PRKD1: variants seen among roughly 807,000 people sequenced by gnomAD.
PRKD1 encodes the protein serine/threonine-protein kinase D1.
Under a neutral mutation model 95.9 loss-of-function variants are expected in PRKD1, and 63 were observed. The ratio of observed to expected loss-of-function variants is 0.66; its 90% CI spans 0.54 to 0.81. The LOEUF is 0.81. Among genes scored for constraint, PRKD1 ranks in the 30% least tolerant of loss-of-function variants. The probability of loss-of-function intolerance (pLI) is 0.00; values close to 1 mark genes in which losing one functional copy is unlikely to be tolerated. For synonymous variants in PRKD1, 425 were observed against 423.1 expected, an observed-to-expected ratio of 1.00 and a Z score of -0.05; for missense variants, 1,048 against 1,165.3, an observed-to-expected ratio of 0.90 and a Z score of 1.47.
Position 29,582,284 on chromosome 14 carries a change from T to G in PRKD1, c.2435-3924A>C, listed in dbSNP as rs1892779177. Among the ~76,000 whole-genome samples the G allele has an allele frequency of 2.0e-5, 3 of 152,230 alleles. No individual in the cohort carries two copies. In the South Asian group the frequency reaches 6.2e-4, roughly 32 times the overall value. On this transcript the variant is annotated intron_variant, in intron 16 of 17. Coordinates refer to ENST00000331968, the MANE Select transcript of PRKD1 (RefSeq NM_002742.3). ...TCAAGGATAAATACTGAGCTTCTTGTTGAATAATTTGAGAATCCATTCTTT... is the reference window on the plus strand; with the variant it reads ...TCAAGGATAAATACTGAGCTTCTTGGTGAATAATTTGAGAATCCATTCTTT...
At chr14:29,622,281 A>G (rs1390049639) in intron 13 of PRKD1, among the ~76,000 whole-genome samples, 1 of 152,180 alleles carries the variant, frequency 6.6e-6, no homozygotes, top group East Asian at 1.9e-4. Context: ...GGCCACGTAC[A>G]GGTACAGGTC....
intron 16 of PRKD1, among the ~76,000 whole-genome samples, chr14:29,586,621 G>A (rs769905230): frequency 8.6e-5 from 13 of 152,044 alleles, no homozygotes; most frequent in Admixed American, 3.9e-4. Context: ...GGAAGTAGTC[G>A]TTTCACTTTA....
At chr14:29,780,487 C>A (rs954461845) in intron 1 of PRKD1, among the ~76,000 whole-genome samples, 2 of 152,124 alleles carry the variant, frequency 1.3e-5, no homozygotes, top group African/African-American at 4.8e-5. Flanking sequence ...AGGATATGAA[C>A]AGACACTTCT....
intron 1 of PRKD1, among the ~76,000 whole-genome samples, chr14:29,912,774 A>C (rs1050056473): frequency 2.6e-5 from 4 of 152,242 alleles, no homozygotes; most frequent in African/African-American, 9.6e-5. Context: ...AATAAAGTAC[A>C]ACTTGAAACT....
intron 1 of PRKD1, among the ~76,000 whole-genome samples, chr14:29,912,101 A>G (rs74981554): frequency 0.024 from 3,599 of 152,262 alleles, 150 homozygotes; most frequent in African/African-American, 0.082. Flanking sequence ...CCTAGTTAGG[A>G]GAACTGTCCA....
At chr14:29,850,886 A>C (rs1054145016) in intron 1 of PRKD1, among the ~76,000 whole-genome samples, 13 of 144,514 alleles carry the variant, frequency 9.0e-5, no homozygotes, top group Non-Finnish European at 1.6e-4. Flanking sequence ...AAAAACAGAC[A>C]AAAAAAAATT....
chr14:29,819,551 G>A (rs554252493), intron 1 of PRKD1, among the ~76,000 whole-genome samples: 156 of 152,178 alleles, frequency 1.0e-3, no homozygotes, highest in Middle Eastern at 0.01. Context: ...TTACCCGGGC[G>A]TGGTGGCGGG....
At chr14:29,861,795 G>T (rs1427624371) in intron 1 of PRKD1, among the ~76,000 whole-genome samples, 1 of 152,120 alleles carries the variant, frequency 6.6e-6, no homozygotes, top group African/African-American at 2.4e-5. Flanking sequence ...TGGGACTACA[G>T]GTGTGTGCCA....
chr14:29,727,942 T>C (rs1419731099), intron 1 of PRKD1, among the ~76,000 whole-genome samples: 2 of 150,266 alleles, frequency 1.3e-5, no homozygotes, highest in African/African-American at 4.9e-5. Context: ...TTCTCACTCA[T>C]AGGTGGGAAT....
At chr14:29,874,047 C>A (rs910782696) in intron 1 of PRKD1, among the ~76,000 whole-genome samples, 1 of 152,124 alleles carries the variant, frequency 6.6e-6, no homozygotes, top group Non-Finnish European at 1.5e-5. Context: ...ACAAATATGA[C>A]TGGCTACTCT....
intron 16 of PRKD1, among the ~76,000 whole-genome samples, chr14:29,588,790 T>TTGTGTGTGTGTGTG (rs34773417): frequency 1.4e-5 from 2 of 145,430 alleles, no homozygotes; most frequent in Admixed American, 6.9e-5. Flanking sequence ...ATTCCTAAAG[T>TTGTGTGTGTGTGTG]TGTGTGTGTG....
In PRKD1 at chr14:29,927,538, A is replaced by G; in HGVS notation, c.-26T>C. On this transcript the variant is annotated 5_prime_UTR_variant, in exon 1 of 18. Coordinates refer to ENST00000331968, the MANE Select transcript of PRKD1 (RefSeq NM_002742.3). The stretch of plus-strand genomic sequence containing the variant: ...CGCTCGGCGGGGCGCAGGGCCGGGC[A>G]GCGGAGGGCGGGGGCTGGCGGCGCG... 8.7e-7 allele frequency: 1 copy of G among 1,151,408 alleles called. No individual in the cohort carries two copies. The highest frequency in any genetic ancestry group is 1.1e-6 in the Non-Finnish European group (1 of 937,072). 71.3% of individuals were successfully genotyped at this position (1,151,408 alleles called of 1,614,324 possible). A position where few individuals can be genotyped will look rare whatever the true frequency, so the allele number is the denominator to read the frequency against.
chr14:29,628,386 A>G (rs181681995), intron 11 of PRKD1, among the ~76,000 whole-genome samples: 7 of 152,308 alleles, frequency 4.6e-5, no homozygotes, highest in Admixed American at 4.6e-4. Flanking sequence ...AGGCCTTATT[A>G]CTTTTTGGCT....
In PRKD1 at chr14:29,678,975, C is replaced by T. The variant is rs112275586; in HGVS notation, c.404-12767G>A. The stretch of plus-strand genomic sequence containing the variant: ...GCTTTAGGTAAGTAAAAACTTTCAG[C>T]CACTATTAAAAGCTGCCTGTTAATC... On this transcript the variant is annotated intron_variant, in intron 2 of 17. Transcript: ENST00000331968. Among the ~76,000 whole-genome samples, 7 of 152,246 alleles carry T rather than the reference C, an allele frequency of 4.6e-5. 1 individual carries two copies. The highest frequency in any genetic ancestry group is 1.4e-4 in the African/African-American group (6 of 41,554).
intron 2 of PRKD1, among the ~76,000 whole-genome samples, chr14:29,676,846 T>A (rs1249467744): frequency 6.6e-6 from 1 of 152,224 alleles, no homozygotes. Flanking sequence ...TGTGAATTTA[T>A]GAGACCCTCT....
intron 1 of PRKD1, among the ~76,000 whole-genome samples, chr14:29,920,726 A>G (rs1475172641): frequency 1.3e-5 from 2 of 152,278 alleles, no homozygotes; most frequent in African/African-American, 4.8e-5. Context: ...ATGGACTTCC[A>G]TGACAGATAA....
At chr14:29,618,160 A>G (rs527425436) in intron 13 of PRKD1, among the ~76,000 whole-genome samples, 2 of 152,336 alleles carry the variant, frequency 1.3e-5, no homozygotes, top group African/African-American at 4.8e-5. Context: ...ATCACAAAAC[A>G]TCCTTTTATT....
At chr14:29,693,099 T>G (rs1289011418) in intron 2 of PRKD1, among the ~76,000 whole-genome samples, 2 of 152,144 alleles carry the variant, frequency 1.3e-5, no homozygotes, top group Non-Finnish European at 2.9e-5. Context: ...AAACATCTAT[T>G]ATTTACTTAG....
chr14:29,693,044 T>C (rs901612410), intron 2 of PRKD1, among the ~76,000 whole-genome samples: 2 of 141,016 alleles, frequency 1.4e-5, no homozygotes, highest in Non-Finnish European at 3.0e-5. Context: ...TTTTAAAATC[T>C]GCTACTTGGT....
Sources: allele counts gnomAD v4.1 joint callset (sites outside exome capture counted in the v4.1 genomes callset), GRCh38; gene constraint gnomAD v4.1.1; transcripts MANE v1.5; gene names NCBI Gene and HGNC (gene_info 2026-07-23, HGNC 2026-07-21).